Variants in CHD4 observed in about 807,000 individuals in gnomAD.
The protein encoded by CHD4 is chromodomain helicase DNA binding protein 4.
A neutral mutation model predicts 235.5 loss-of-function variants in CHD4; 35 were observed. That is an observed-to-expected ratio of 0.15 (90% CI 0.11 to 0.20). CHD4 has a LOEUF of 0.20. Ranked by LOEUF, CHD4 falls within the 10% of genes least tolerant of loss-of-function variation. The probability of loss-of-function intolerance (pLI) is 1.00; values close to 1 mark genes in which losing one functional copy is unlikely to be tolerated. For synonymous variants in CHD4, 900 were observed against 850.2 expected, an observed-to-expected ratio of 1.06 and a Z score of -1.02; for missense variants, 1,329 against 2,432.3, an observed-to-expected ratio of 0.55 and a Z score of 9.54.
At chr12:6,600,884 T>C (rs1490042269) in intron 7 of CHD4, 42 bp downstream of exon 7, 2 of 1,536,308 alleles carry the variant, frequency 1.3e-6, no homozygotes. Flanking sequence ...TCCTTTCTAT[T>C]AGACATGGCA....
intron 2 of CHD4, among the ~76,000 whole-genome samples, chr12:6,603,938 G>C (rs1404386632): frequency 6.6e-6 from 1 of 152,102 alleles, no homozygotes; most frequent in Non-Finnish European, 1.5e-5. Context: ...CCAACATATG[G>C]GAATGTCTGC....
At chr12:6,577,712 C>A in intron 37 of CHD4, 73 bp downstream of exon 37, 1 of 1,584,116 alleles carries the variant, frequency 6.3e-7, no homozygotes, top group Admixed American at 1.7e-5. Context: ...GATGGACAGA[C>A]TCCCTCTGCT....
At chr12:6,581,207 T>C (rs1437064518) in intron 32 of CHD4, 34 bp from the exon 33 acceptor site, 1 of 1,610,762 alleles carries the variant, frequency 6.2e-7, no homozygotes, top group Admixed American at 1.7e-5. Flanking sequence ...ACAAAACAGA[T>C]GAAGCAGACA....
chr12:6,606,050 C>G (rs1948689765), intron 2 of CHD4, among the ~76,000 whole-genome samples: 1 of 152,220 alleles, frequency 6.6e-6, no homozygotes, highest in Non-Finnish European at 1.5e-5. Context: ...GAGCATTCCT[C>G]AAGACAGAGT....
At chr12:6,578,740 G>C (rs1290753234) in intron 34 of CHD4, 106 bp downstream of exon 34, 2 of 1,357,798 alleles carry the variant, frequency 1.5e-6, no homozygotes, top group Admixed American at 3.6e-5. Context: ...TTTTATCTTG[G>C]GATAAAATGG....
intron 18 of CHD4, 34 bp downstream of exon 18, chr12:6,592,662 A>G: frequency 6.2e-7 from 1 of 1,606,456 alleles, no homozygotes; most frequent in Non-Finnish European, 8.5e-7. Context: ...GAGAGGCACA[A>G]TTATGAGCCG....
intron 6 of CHD4, 39 bp downstream of exon 6, chr12:6,601,250 A>G: frequency 1.2e-6 from 2 of 1,604,276 alleles, no homozygotes; most frequent in Non-Finnish European, 8.5e-7. Flanking sequence ...TCTTAAGCCC[A>G]CACTAGACAC....
intron 38 of CHD4, chr12:6,571,242 TA>T: frequency 1.7e-6 from 1 of 574,248 alleles, no homozygotes; most frequent in Non-Finnish European, 3.0e-6. Context: ...TAAAGTCACC[TA>T]AACCTTCACT....
chr12:6,605,805 G>A (rs1286065101), intron 2 of CHD4, among the ~76,000 whole-genome samples: 2 of 152,196 alleles, frequency 1.3e-5, no homozygotes, highest in African/African-American at 2.4e-5. Flanking sequence ...CCGATCAGAA[G>A]CTAAAAATAA....
Position 6,578,863 on chromosome 12 carries a change from A to C in CHD4, c.4964T>G (p.Ile1655Ser). Reference sequence around the variant, plus strand: ...ACACCCACCTTTGTCTTCTACCACAATAGGGGTCAGATCTATTGCTGACTT... The same window carrying C: ...ACACCCACCTTTGTCTTCTACCACACTAGGGGTCAGATCTATTGCTGACTT... ...EEKSAIDLTP[I>S]VVEDKEEKKE... Residue 1655 changes from isoleucine (I) to serine (S), a missense_variant, in exon 34 of 40, where the codon ATT (isoleucine) becomes AGT (serine). By Grantham distance (142) the Ile-to-Ser change is moderately radical. Transcript: ENST00000544040. The C allele has an allele frequency of 6.2e-7, 1 of 1,614,212 alleles. No individual in the cohort carries two copies. The highest frequency in any genetic ancestry group is 8.5e-7 in the Non-Finnish European group (1 of 1,180,024).
At chr12:6,598,133 A>G in intron 11 of CHD4, 34 bp from the exon 12 acceptor site, 2 of 1,613,484 alleles carry the variant, frequency 1.2e-6, no homozygotes, top group Non-Finnish European at 1.7e-6. Flanking sequence ...GCCACCAAGA[A>G]GCTGTGTTCA....
At position 6,581,312 on chromosome 12, in the gene CHD4, T is replaced by C. The variant is rs1013169627; in HGVS notation, c.4758A>G (p.Thr1586=). 2.5e-6 allele frequency: 4 copies of C among 1,614,232 alleles called. No homozygotes were observed. In the African/African-American group the frequency reaches 5.3e-5, roughly 22 times the overall value. Residue 1586 remains threonine (T), a synonymous_variant, in exon 32 of 40, where the codon ACA becomes ACG. Coordinates refer to ENST00000544040, the MANE Select transcript of CHD4 (RefSeq NM_001273.5). ...TTACCTCAATGGCAGTCTCAGGGGC[T>C]GTAGATTTAACCTCCTTTTCTCCTT... ...SIEGEKEVKS[T]APETAIECTQ...
Position 6,606,401 on chromosome 12 carries a change from G to C in CHD4, c.-28C>G. 6.6e-7 allele frequency: 1 copy of C among 1,520,604 alleles called. No homozygotes were observed. Among genetic ancestry groups the C allele is most frequent in the Admixed American group, 2.0e-5 (1 of 49,322 alleles). The allele number at this position is 1,520,604 out of a possible 1,614,324, so 94.2% of individuals were successfully genotyped here. A position where few individuals can be genotyped will look rare whatever the true frequency, so the allele number is the denominator to read the frequency against. On this transcript the variant is annotated 5_prime_UTR_variant, in exon 2 of 40. Transcript: ENST00000544040. The stretch of plus-strand genomic sequence containing the variant: ...CCTTCCGCTCCCGGCCAGGGAATTG[G>C]CCCAGCTGCTCCTGCCGGCGGCCTG...
intron 32 of CHD4, 39 bp from the exon 33 acceptor site, chr12:6,581,212 C>T: frequency 6.2e-7 from 1 of 1,611,888 alleles, no homozygotes; most frequent in Non-Finnish European, 8.5e-7. Flanking sequence ...ACAGATGAAG[C>T]AGACAGGCCA....
At chr12:6,601,806 G>C (rs1948596042) in intron 4 of CHD4, 40 bp from the exon 5 acceptor site, 1 of 1,580,888 alleles carries the variant, frequency 6.3e-7, no homozygotes. Context: ...CTGCCACCTA[G>C]TGCCCACACT....
At chr12:6,588,119 T>G (rs987569180) in intron 23 of CHD4, among the ~76,000 whole-genome samples, 170 bp from the exon 24 acceptor site, 1 of 152,226 alleles carries the variant, frequency 6.6e-6, no homozygotes, top group Admixed American at 6.5e-5. Context: ...ATTATCATGT[T>G]ACCCAAAATA....
In CHD4 at chr12:6,602,094, G is replaced by C. The variant is rs138116135; in HGVS notation, c.304C>G (p.Arg102Gly). 1 of 1,613,486 alleles carries C rather than the reference G, an allele frequency of 6.2e-7. No homozygotes were observed. The highest frequency in any genetic ancestry group is 8.5e-7 in the Non-Finnish European group (1 of 1,179,866). ...TAGTCGCTGCCCTCACTGTCTGAGC[G>C]CAGAGCCACCTCTTCCTCCTCCTCC... ...FVEEEEEVALRSDSEGSDYTP... is the reference protein window; with the variant it reads ...FVEEEEEVALGSDSEGSDYTP... Residue 102 changes from arginine (R) to glycine (G), a missense_variant, in exon 4 of 40, where the codon CGC becomes GGC. By Grantham distance (125) the Arg-to-Gly change is moderately radical. This residue lies in a region of CHD4 where 213 missense variants were observed against 177.5 expected (regional missense o/e 1.20). Transcript: ENST00000544040.
At chr12:6,580,738 G>T in intron 33 of CHD4, 2 of 224,336 alleles carry the variant, frequency 8.9e-6, no homozygotes, top group Non-Finnish European at 1.6e-5. Flanking sequence ...GCCAGGCACA[G>T]TGGCTCATGC....
intron 1 of CHD4, chr12:6,606,693 G>A (rs1948707067): frequency 3.9e-6 from 1 of 257,628 alleles, no homozygotes. Context: ...GCGGGGAGGG[G>A]AGACGCGGGG....
Sources: allele counts gnomAD v4.1 joint callset (sites outside exome capture counted in the v4.1 genomes callset), GRCh38; gene constraint gnomAD v4.1.1; regional missense constraint gnomAD v4.1.1; transcripts MANE v1.5; gene names NCBI Gene and HGNC (gene_info 2026-07-23, HGNC 2026-07-21).